The following USP36 variants were observed in gnomAD, a reference collection of about 807,000 sequenced individuals.
The protein encoded by USP36 is ubiquitin carboxyl-terminal hydrolase 36.
Under a neutral mutation model 111.5 loss-of-function variants are expected in USP36, and 59 were observed. That is an observed-to-expected ratio of 0.53 (90% CI 0.43 to 0.66). The LOEUF (loss-of-function observed/expected upper bound fraction) is 0.66, where lower values mean the gene tolerates loss of function less well. Among genes scored for constraint, USP36 ranks in the 30% least tolerant of loss-of-function variants. The pLI is 0.00. For synonymous variants in USP36, 628 were observed against 581.0 expected, an observed-to-expected ratio of 1.08 and a Z score of -1.16; for missense variants, 1,488 against 1,468.0, an observed-to-expected ratio of 1.01 and a Z score of -0.22.
At chr17:78,835,966 A>G in intron 3 of USP36, 145 bp downstream of exon 3, 1 of 1,149,694 alleles carries the variant, frequency 8.7e-7, no homozygotes. Context: ...TACTTCTATA[A>G]CTGAAATCCA....
At chr17:78,840,489 C>G (rs1433205244) in intron 1 of USP36, 1 of 152,356 alleles carries the variant, frequency 6.6e-6, no homozygotes, top group Non-Finnish European at 1.5e-5. Flanking sequence ...CGGAGACCGG[C>G]GAGGACAGCC....
At chr17:78,813,071 A>G in intron 12 of USP36, 70 bp from the exon 13 acceptor site, 1 of 1,590,766 alleles carries the variant, frequency 6.3e-7, no homozygotes, top group Non-Finnish European at 8.6e-7. Context: ...AATTAGAATA[A>G]GTTAAGGCGG....
intron 12 of USP36, among the ~76,000 whole-genome samples, chr17:78,813,310 A>G (rs953398106): frequency 9.9e-5 from 15 of 152,114 alleles, no homozygotes; most frequent in African/African-American, 3.6e-4. Context: ...AGACGTACAA[A>G]GCAGCAAAAA....
At chr17:78,818,607 G>T in intron 10 of USP36, 60 bp downstream of exon 10, 1 of 1,474,462 alleles carries the variant, frequency 6.8e-7, no homozygotes, top group Non-Finnish European at 9.5e-7. Context: ...CTTTCTTCGT[G>T]TTATTCTGAT....
At chr17:78,840,509 A>C (rs1442110639) in intron 1 of USP36, 1 of 152,240 alleles carries the variant, frequency 6.6e-6, no homozygotes, top group Non-Finnish European at 1.5e-5. Flanking sequence ...CCGGCCCCGG[A>C]CCCTCCTCGG....
intron 17 of USP36, among the ~76,000 whole-genome samples, chr17:78,801,071 G>C (rs2093731279): frequency 6.7e-6 from 1 of 149,210 alleles, no homozygotes; most frequent in African/African-American, 2.5e-5. Flanking sequence ...CCGCCTCCTG[G>C]GTTCACACCA....
intron 4 of USP36, 98 bp from the exon 5 acceptor site, chr17:78,829,105 G>A (rs1360897448): frequency 2.0e-6 from 2 of 982,306 alleles, no homozygotes; most frequent in African/African-American, 1.6e-5. Flanking sequence ...AGAAACACAA[G>A]CAGGTAAGAG....
intron 4 of USP36, among the ~76,000 whole-genome samples, chr17:78,832,515 C>T (rs985445304): frequency 3.3e-5 from 5 of 152,240 alleles, no homozygotes; most frequent in Non-Finnish European, 7.3e-5. Flanking sequence ...GAAGGGATGG[C>T]CATGGCTGCC....
rs750848663 is a variant in USP36 at position 78,807,221 on chromosome 17, C to T, written c.1823G>A (p.Arg608Lys). The T allele has an allele frequency of 3.5e-5, 56 of 1,613,974 alleles. No homozygotes were observed. In the South Asian group the frequency reaches 4.0e-4, roughly 11 times the overall value. Residue 608 changes from arginine to lysine, a missense_variant, in exon 14 of 21, where the codon AGG becomes AAG. Physicochemically the swap from Arg to Lys is conservative, Grantham distance 26 (BLOSUM62 2). This residue lies in a region of USP36 where 1,073 missense variants were observed against 994.1 expected (regional missense o/e 1.08). Transcript: ENST00000449938. The part of the protein sequence containing the change: ...GNDESAGLDR[R>K]GSSSSSPEHS... ...CTCTGGGCTGGAGCTGCTGGAGCCC[C>T]TCCTGTCGAGGCCAGCGCTCTCGTC...
In USP36 at chr17:78,799,699, T is replaced by A. The variant is rs141821093; in HGVS notation, c.3092A>T (p.Lys1031Ile). The A allele has an allele frequency of 2.9e-5, 47 of 1,613,234 alleles. No homozygotes were observed. The African/African-American group carries it at 5.5e-4, about 19-fold the overall frequency. The stretch of plus-strand genomic sequence containing the variant: ...CCCGTAAGCTTTATCAGATGAGTAT[T>A]TGAGCAGTTCCTGGACCACATCAGA... ...RESDVVQELL[K>I]YSSDKAYGRK... The change falls in exon 18 of 21, where the codon AAA becomes ATA. Residue 1031 changes from lysine to isoleucine, a missense_variant. Coordinates refer to ENST00000449938, the MANE Select transcript of USP36 (RefSeq NM_001385174.1).
intron 2 of USP36, among the ~76,000 whole-genome samples, chr17:78,836,824 G>GAC (rs759552605): frequency 9.4e-4 from 115 of 122,474 alleles, no homozygotes; most frequent in Non-Finnish European, 1.3e-3. Flanking sequence ...CACACAAACG[G>GAC]ACACACACAC....
chr17:78,840,470 G>A (rs1216358375), intron 1 of USP36: 1 of 152,428 alleles, frequency 6.6e-6, no homozygotes, highest in Non-Finnish European at 1.5e-5. Flanking sequence ...CCCGGAGCCC[G>A]GGGGACGGCG....
chr17:78,828,788 T>A lies in USP36; in HGVS notation c.586+109A>T, dbSNP rs2067811409. 12 of 1,115,490 alleles carry A rather than the reference T, an allele frequency of 1.1e-5. No individual in the cohort carries two copies. The South Asian group carries it at 1.8e-4, about 16-fold the overall frequency. The allele number at this position is 1,115,490 out of a possible 1,614,324, so 69.1% of individuals were successfully genotyped here. A position where few individuals can be genotyped will look rare whatever the true frequency, so the allele number is the denominator to read the frequency against. ...GGCAGGCCAAAACGGAAGGACTGCTTAAGGCCAGGAATTTAAGACCAGCCT... is the reference window on the plus strand; with the variant it reads ...GGCAGGCCAAAACGGAAGGACTGCTAAAGGCCAGGAATTTAAGACCAGCCT... On this transcript the variant is annotated intron_variant, in intron 5 of 20. Transcript: ENST00000449938.
At chr17:78,792,247 A>T (rs886093367), downstream of USP36, among the ~76,000 whole-genome samples, 1 of 152,144 alleles carries the variant, frequency 6.6e-6, no homozygotes, top group South Asian at 2.1e-4. Flanking sequence ...TTAGGATGGG[A>T]GATGCCTGAA....
In USP36 at chr17:78,812,718, A is replaced by G. The variant is rs779861235; in HGVS notation, c.1407+142T>C. On this transcript the variant is annotated intron_variant, in intron 13 of 20. Coordinates refer to ENST00000449938, the MANE Select transcript of USP36 (RefSeq NM_001385174.1). The stretch of plus-strand genomic sequence containing the variant: ...TCTCGAAAAAAAAAAAAAAAAAAAA[A>G]GAAAAGAAAAGAAATAACATCAACT... The G allele has an allele frequency of 5.5e-3, 4,096 of 739,096 alleles. 29 individuals carry two copies. Among genetic ancestry groups the G allele is most frequent in the Non-Finnish European group, 6.4e-3 (3,286 of 513,118 alleles). 45.8% of individuals were successfully genotyped at this position (739,096 alleles called of 1,614,324 possible).
Position 78,813,875 on chromosome 17 carries a change from T to A in USP36, c.1165-2A>T, listed in dbSNP as rs1253421058. On this transcript the variant is annotated splice_acceptor_variant, in intron 11 of 20. Transcript: ENST00000449938. LOFTEE classifies it high-confidence loss of function. ...CTGGTACCACTGTCCATTGCTTGCCTGAAGCAGCCAAGGATGTTGCAGAAA... is the reference window on the plus strand; with the variant it reads ...CTGGTACCACTGTCCATTGCTTGCCAGAAGCAGCCAAGGATGTTGCAGAAA... 1 of 1,613,678 alleles carries A rather than the reference T, an allele frequency of 6.2e-7. No individual in the cohort carries two copies. The highest frequency in any genetic ancestry group is 8.5e-7 in the Non-Finnish European group (1 of 1,179,682).
intron 2 of USP36, among the ~76,000 whole-genome samples, chr17:78,838,371 C>CAAAAAA (rs1195525371): frequency 1.5e-4 from 9 of 58,494 alleles, no homozygotes; most frequent in East Asian, 5.2e-4. Context: ...GACTTGGTCT[C>CAAAAAA]AAAAAAAAAA....
chr17:78,814,022 G>A (rs1419641095), intron 11 of USP36, 149 bp from the exon 12 acceptor site: 1 of 732,648 alleles, frequency 1.4e-6, no homozygotes, highest in Admixed American at 2.7e-5. Context: ...ATTAAAACGT[G>A]TAATATTTTC....
At chr17:78,836,474 C>A (rs1204571778) in intron 2 of USP36, 102 bp from the exon 3 acceptor site, 1 of 1,441,154 alleles carries the variant, frequency 6.9e-7, no homozygotes, top group Non-Finnish European at 9.2e-7. Flanking sequence ...CTAGCCACCA[C>A]AAAAGCTCCC....
Sources: allele counts gnomAD v4.1 joint callset (sites outside exome capture counted in the v4.1 genomes callset), GRCh38; gene constraint gnomAD v4.1.1; regional missense constraint gnomAD v4.1.1; transcripts MANE v1.5; gene names NCBI Gene and HGNC (gene_info 2026-07-23, HGNC 2026-07-21).